Variants in KIF13A observed in about 807,000 individuals in gnomAD.
KIF13A encodes kinesin-like protein KIF13A.
Under a neutral mutation model 212.2 loss-of-function variants are expected in KIF13A, and 79 were observed. The observed-to-expected ratio is 0.37, with a 90% CI of 0.31 to 0.45. The LOEUF is 0.45. Among genes scored for constraint, KIF13A ranks in the 20% least tolerant of loss-of-function variants. The pLI, the probability that KIF13A is intolerant of heterozygous loss-of-function variation, is 1.00. For synonymous variants in KIF13A, 789 were observed against 808.6 expected, an observed-to-expected ratio of 0.98 and a Z score of 0.41; for missense variants, 1,901 against 2,209.0, an observed-to-expected ratio of 0.86 and a Z score of 2.79.
chr6:17,826,189 C>T lies in KIF13A; in HGVS notation c.1533-65G>A, dbSNP rs1374542026. ...GAGCACAAGACCTTGTCCTGGTAGC[C>T]AAAGAGATAACTAGGGGAGCTTTCT... On this transcript the variant is annotated intron_variant, in intron 14 of 38. Transcript: ENST00000259711. This position sits in a 1 kb window ranked among gnomAD's most constrained non-coding sequence, Gnocchi z 4.7. The T allele has an allele frequency of 4.1e-6, 5 of 1,220,674 alleles. No homozygotes were observed. Among genetic ancestry groups the T allele is most frequent in the Non-Finnish European group, 6.0e-6 (5 of 835,612 alleles). The allele number at this position is 1,220,674 out of a possible 1,614,324, so 75.6% of individuals were successfully genotyped here. A position where few individuals can be genotyped will look rare whatever the true frequency, so the allele number is the denominator to read the frequency against.
intron 3 of KIF13A, among the ~76,000 whole-genome samples, chr6:17,878,161 A>G (rs1205190915): frequency 6.6e-6 from 1 of 152,168 alleles, no homozygotes; most frequent in East Asian, 1.9e-4. Flanking sequence ...CCAGGAGGTA[A>G]TCAGTGACAC....
At chr6:17,962,516 G>A (rs925991214) in intron 2 of KIF13A, among the ~76,000 whole-genome samples, 7 of 152,106 alleles carry the variant, frequency 4.6e-5, no homozygotes, top group African/African-American at 1.7e-4. Flanking sequence ...GATGAGCACA[G>A]CCAGGAAGAG....
intron 2 of KIF13A, among the ~76,000 whole-genome samples, chr6:17,920,735 C>A (rs1581735472): frequency 6.6e-6 from 1 of 151,764 alleles, no homozygotes; most frequent in East Asian, 1.9e-4. Context: ...TTAGCTGGGC[C>A]TGGGGGCGTG....
intron 2 of KIF13A, among the ~76,000 whole-genome samples, chr6:17,906,244 T>A (rs1773487337): frequency 6.6e-6 from 1 of 152,188 alleles, no homozygotes; most frequent in Non-Finnish European, 1.5e-5. Context: ...ACTGGGTAGA[T>A]CATTCAGAAT....
At chr6:17,780,633 G>T in intron 31 of KIF13A, 97 bp downstream of exon 31, 1 of 1,128,030 alleles carries the variant, frequency 8.9e-7, no homozygotes, top group Non-Finnish European at 1.3e-6. Flanking sequence ...GTCATGTTTT[G>T]CACATCACAG....
At chr6:17,798,174 A>C (rs1429249393) in intron 22 of KIF13A, among the ~76,000 whole-genome samples, 1 of 152,190 alleles carries the variant, frequency 6.6e-6, no homozygotes, top group African/African-American at 2.4e-5. Context: ...AAACTTCATG[A>C]CAATCTATAC....
chr6:17,929,403 T>G (rs1408099830), intron 2 of KIF13A, among the ~76,000 whole-genome samples: 1 of 82,616 alleles, frequency 1.2e-5, no homozygotes, highest in African/African-American at 3.8e-5. Context: ...CACTCTCGAC[T>G]ATTTTTTTTT....
intron 16 of KIF13A, chr6:17,822,003 T>C (rs1764500927): frequency 2.3e-6 from 3 of 1,301,058 alleles, no homozygotes; most frequent in East Asian, 5.1e-5. Flanking sequence ...GAAGCTCCAC[T>C]GGAACTGGGT....
At chr6:17,935,097 C>A (rs4712320) in intron 2 of KIF13A, among the ~76,000 whole-genome samples, 6 of 151,960 alleles carry the variant, frequency 3.9e-5, no homozygotes, top group Non-Finnish European at 8.8e-5. Context: ...TTATTTTCAC[C>A]ATTTACCTGG....
chr6:17,987,049 T>C lies in KIF13A; in HGVS notation c.146+5A>G. The C allele has an allele frequency of 4.3e-6, 7 of 1,611,646 alleles. No homozygotes were observed. The highest frequency in any genetic ancestry group is 5.9e-6 in the Non-Finnish European group (7 of 1,177,850). On this transcript the variant is annotated splice_donor_5th_base_variant and intron_variant, in intron 2 of 38. Coordinates refer to ENST00000259711, the MANE Select transcript of KIF13A (RefSeq NM_022113.6). The surrounding 1 kb of genome is among the most constrained non-coding windows in gnomAD (Gnocchi z 7.7). ...TCCCAGCCGCCCTCTCGGAACCCGC[T>C]TTACCTTTCTCCCTGTTTGGTGTTA...
At chr6:17,814,054 GC>G (rs1763687354) in intron 17 of KIF13A, among the ~76,000 whole-genome samples, 1 of 143,216 alleles carries the variant, frequency 7.0e-6, no homozygotes, top group South Asian at 2.3e-4. Flanking sequence ...CCAGGTTCAC[GC>G]CATTCTCCTG....
In KIF13A at chr6:17,856,742, G is replaced by A. The variant is rs545363278; in HGVS notation, c.221-620C>T. The stretch of plus-strand genomic sequence containing the variant: ...GTCATGTACTATACTATGGCAGAGC[G>A]GGGCTGAAGAGTAAAGGAGTGACAA... On this transcript the variant is annotated intron_variant, in intron 4 of 38. Transcript: ENST00000259711. The surrounding 1 kb of genome is among the most constrained non-coding windows in gnomAD (Gnocchi z 4.5). Among the ~76,000 whole-genome samples, 16 of 152,288 alleles carry A rather than the reference G, an allele frequency of 1.1e-4. No homozygotes were observed. The highest frequency in any genetic ancestry group is 3.9e-4 in the East Asian group (2 of 5,192).
chr6:17,975,047 G>A (rs984253131), intron 2 of KIF13A, among the ~76,000 whole-genome samples: 7 of 152,156 alleles, frequency 4.6e-5, no homozygotes, highest in Non-Finnish European at 7.3e-5. Context: ...GAACTTGTTA[G>A]AAATGCACAT....
Position 17,830,894 on chromosome 6 carries a change from G to A in KIF13A, c.1401+207C>T, listed in dbSNP as rs575427143. 6.6e-5 allele frequency among the ~76,000 whole-genome samples: 10 copies of A among 152,086 alleles called. No individual in the cohort carries two copies. In the South Asian group the frequency reaches 1.5e-3, roughly 22 times the overall value. On this transcript the variant is annotated intron_variant, in intron 13 of 38. Coordinates refer to ENST00000259711, the MANE Select transcript of KIF13A (RefSeq NM_022113.6). Reference sequence around the variant, plus strand: ...TGCCACTCTGAAGCCTGGACTCACAGGAGATCAGCCCCAACTGCACAGCCC... The same window carrying A: ...TGCCACTCTGAAGCCTGGACTCACAAGAGATCAGCCCCAACTGCACAGCCC...
chr6:17,905,130 T>A (rs866972280), intron 2 of KIF13A, among the ~76,000 whole-genome samples: 6 of 152,272 alleles, frequency 3.9e-5, no homozygotes, highest in Middle Eastern at 3.2e-3. Context: ...TTGTGATTTT[T>A]AAAAAAAATT....
At chr6:17,946,565 C>T (rs1777418222) in intron 2 of KIF13A, among the ~76,000 whole-genome samples, 1 of 152,018 alleles carries the variant, frequency 6.6e-6, no homozygotes, top group Admixed American at 6.6e-5. Context: ...GCAGGAAATG[C>T]AAATTAAAAC....
At position 17,967,344 on chromosome 6, in the gene KIF13A, A is replaced by T. The variant is rs1779418419; in HGVS notation, c.146+19710T>A. Among the ~76,000 whole-genome samples, 1 of 152,250 alleles carries T rather than the reference A, an allele frequency of 6.6e-6. No homozygotes were observed. On this transcript the variant is annotated intron_variant, in intron 2 of 38. Coordinates refer to ENST00000259711, the MANE Select transcript of KIF13A (RefSeq NM_022113.6). The surrounding 1 kb of genome is among the most constrained non-coding windows in gnomAD (Gnocchi z 4.1). The stretch of plus-strand genomic sequence containing the variant: ...AAGGAAAATGCATCACAATGTTAAA[A>T]GAATGAGTAAACTGTATTTTACCTC...
rs199883389 is a variant in KIF13A, at chr6:17,873,391, G to C, written c.206C>G (p.Thr69Ser). ...AGAAAACTTACCAGCGTATTTTGTA[G>C]TGTTAGATTCATCCATGGACCAAAA... ...YCFWSMDESNTTKYAGQEVVF... is the reference protein window; with the variant it reads ...YCFWSMDESNSTKYAGQEVVF... The change falls in exon 4 of 39, where the codon ACT becomes AGT. Residue 69 changes from threonine (T) to serine (S), a missense_variant. By Grantham distance (58) the Thr-to-Ser change is moderately conservative. Coordinates refer to ENST00000259711, the MANE Select transcript of KIF13A (RefSeq NM_022113.6). 67 of 1,596,492 alleles carry C rather than the reference G, an allele frequency of 4.2e-5. 1 individual carries two copies. The African/African-American group carries it at 7.8e-4, about 19-fold the overall frequency.
intron 38 of KIF13A, chr6:17,770,361 A>ATTTTTTTTTTTTTTTTT (rs200616640): frequency 8.4e-5 from 10 of 119,454 alleles, no homozygotes; most frequent in Middle Eastern, 4.5e-3. Flanking sequence ...AATAAACAGG[A>ATTTTTTTTTTTTTTTTT]TTTTTTTTTT....
Sources: allele counts gnomAD v4.1 joint callset (sites outside exome capture counted in the v4.1 genomes callset), GRCh38; gene constraint gnomAD v4.1.1; non-coding constraint Gnocchi (gnomAD v3.1); transcripts MANE v1.5; gene names NCBI Gene and HGNC (gene_info 2026-07-23, HGNC 2026-07-21).